Variants in ADCY10 observed in about 807,000 individuals in gnomAD.
ADCY10 encodes adenylate cyclase 10.
In ADCY10, 156 loss-of-function variants were observed where a neutral mutation model predicts 183.3. The observed-to-expected ratio is 0.85, with a 90% CI of 0.75 to 0.97. The LOEUF (loss-of-function observed/expected upper bound fraction) is 0.97. ADCY10 is among the 50% of genes least tolerant of loss of function. The pLI is 0.00. For missense variants in ADCY10, 1,745 were observed against 1,934.3 expected, an observed-to-expected ratio of 0.90 and a Z score of 1.84; for synonymous variants, 645 against 670.0, an observed-to-expected ratio of 0.96 and a Z score of 0.58.
At chr1:167,819,963 C>A (rs1662784102) in intron 30 of ADCY10, 4 of 1,296,590 alleles carry the variant, frequency 3.1e-6, no homozygotes, top group Non-Finnish European at 4.5e-6. Flanking sequence ...GTGCTGTATT[C>A]TTCCATTGTT....
In ADCY10 at chr1:167,856,304, T is replaced by C; in HGVS notation, c.2032A>G (p.Ile678Val). Residue 678 changes from isoleucine (I) to valine (V), a missense_variant, in exon 17 of 33, where the codon ATT (isoleucine) becomes GTT (valine). Physicochemically the swap from Ile to Val is conservative, Grantham distance 29. Coordinates refer to ENST00000367851, the MANE Select transcript of ADCY10 (RefSeq NM_018417.6). ...ACGGCCCTGGCAGCTGCACAGGGAA[T>C]GTTAACGAAGGGACACAGGGACATA... ...IIMSLCPFVN[I>V]PCAAARAVIK... The C allele has an allele frequency of 6.2e-7, 1 of 1,614,086 alleles. No individual in the cohort carries two copies. The highest frequency in any genetic ancestry group is 8.5e-7 in the Non-Finnish European group (1 of 1,179,982).
rs746491406 is a variant in ADCY10, at chr1:167,818,094, G to T, written c.4460C>A (p.Ala1487Asp). 1.2e-6 allele frequency: 2 copies of T among 1,614,156 alleles called. No homozygotes were observed. Among genetic ancestry groups the T allele is most frequent in the South Asian group, 1.1e-5 (1 of 91,082 alleles). ...CACCTTGAGTAGCTCCTCCCCACTGGCTTGGGCATTCTCTGACTGTTCTTT... is the reference window on the plus strand; with the variant it reads ...CACCTTGAGTAGCTCCTCCCCACTGTCTTGGGCATTCTCTGACTGTTCTTT... Reference protein sequence around the residue: ...QIKEQSENAQASGEELLKNLE... With the variant: ...QIKEQSENAQDSGEELLKNLE... Residue 1487 changes from alanine to aspartate, a missense_variant, in exon 31 of 33, where the codon GCC (alanine) becomes GAC (aspartate). Transcript: ENST00000367851.
intron 8 of ADCY10, among the ~76,000 whole-genome samples, chr1:167,891,985 T>G (rs1014984330): frequency 6.6e-6 from 1 of 151,736 alleles, no homozygotes; most frequent in Non-Finnish European, 1.5e-5. Context: ...TCTTTTTTTT[T>G]TTTTTAGAGA....
At chr1:167,861,132 G>T in intron 14 of ADCY10, 69 bp from the exon 15 acceptor site, 2 of 1,307,920 alleles carry the variant, frequency 1.5e-6, no homozygotes, top group Non-Finnish European at 2.2e-6. Context: ...AATAGAGGTT[G>T]AAGGAAAGCT....
In ADCY10 at chr1:167,870,272, TG is replaced by T. The variant is rs760462867; in HGVS notation, c.1600del (p.Gln534LysfsTer12). ...QILMKIEYLA[Q>X]GKNHRIIAIS... is the part of the protein sequence containing the mutation. ...AGACACTCACCTGTGATTCTTACCT[TG>T]GGCCAGGTACTCAATTTTCATAAGT... On this transcript the variant is annotated frameshift_variant, in exon 14 of 33. Coordinates refer to ENST00000367851, the MANE Select transcript of ADCY10 (RefSeq NM_018417.6). LOFTEE classifies it high-confidence loss of function. 12 of 1,613,992 alleles carry T rather than the reference TG, an allele frequency of 7.4e-6. No individual in the cohort carries two copies. The highest frequency in any genetic ancestry group is 1.0e-5 in the Non-Finnish European group (12 of 1,180,024).
intron 14 of ADCY10, among the ~76,000 whole-genome samples, chr1:167,862,208 T>C (rs934175854): frequency 6.6e-6 from 1 of 152,246 alleles, no homozygotes; most frequent in African/African-American, 2.4e-5. Flanking sequence ...ACAATTCATA[T>C]GTTAAATTCT....
intron 18 of ADCY10, 123 bp downstream of exon 18, chr1:167,854,230 C>G (rs1468103046): frequency 3.3e-6 from 4 of 1,212,112 alleles, no homozygotes; most frequent in Non-Finnish European, 4.9e-6. Flanking sequence ...ATTCCTGGCT[C>G]CCCAGAACCT....
At chr1:167,857,323 C>T (rs2102029251) in intron 16 of ADCY10, among the ~76,000 whole-genome samples, 1 of 152,332 alleles carries the variant, frequency 6.6e-6, no homozygotes, top group Non-Finnish European at 1.5e-5. Flanking sequence ...GCCTTGTTCA[C>T]ACATACCTAA....
chr1:167,906,184 A>G (rs1265309879), intron 1 of ADCY10, among the ~76,000 whole-genome samples: 1 of 152,148 alleles, frequency 6.6e-6, no homozygotes, highest in Middle Eastern at 3.2e-3. Context: ...AACTCAGGGA[A>G]AAATATTTGT....
chr1:167,850,075 C>T (rs1287057698), intron 18 of ADCY10, among the ~76,000 whole-genome samples: 4 of 151,982 alleles, frequency 2.6e-5, no homozygotes, highest in Non-Finnish European at 2.9e-5. Flanking sequence ...AGTAGTAATC[C>T]AACTAGTCGT....
At chr1:167,838,556 C>T (rs528374936) in intron 21 of ADCY10, among the ~76,000 whole-genome samples, 18 of 152,330 alleles carry the variant, frequency 1.2e-4, no homozygotes, top group South Asian at 8.3e-4. Context: ...GGCTACTATT[C>T]GTCTACCAAC....
chr1:167,822,998 C>T lies in ADCY10; in HGVS notation c.4168+10G>A, dbSNP rs767976390. 6.8e-6 allele frequency: 11 copies of T among 1,612,422 alleles called. No homozygotes were observed. Among genetic ancestry groups the T allele is most frequent in the Non-Finnish European group, 9.3e-6 (11 of 1,178,552 alleles). ...CCCCAAGTTCTTTTACATCCCAAAC[C>T]CACACTTACCAGAATAAAGCAGGAT... On this transcript the variant is annotated intron_variant, in intron 29 of 32. Transcript: ENST00000367851.
At chr1:167,907,378 C>T (rs203777) in intron 1 of ADCY10, among the ~76,000 whole-genome samples, 66,299 of 152,104 alleles carry the variant, frequency 0.44, 16,665 homozygotes, top group African/African-American at 0.7. Flanking sequence ...TTCTTGCTCA[C>T]ACTACATGTC....
In ADCY10 at chr1:167,823,094, C is replaced by T. The variant is rs766688731; in HGVS notation, c.4082G>A (p.Arg1361Gln). The change falls in exon 29 of 33, where the codon CGG becomes CAG. Residue 1361 changes from arginine to glutamine, a missense_variant. Transcript: ENST00000367851. ...RYPQLIQVLG[R>Q]LWELSVTQEH... ...CTGTGTTACAGAAAGCTCCCACAGC[C>T]GCCCCAGCACCTGGATCAATTGCGG... 3.1e-6 allele frequency: 5 copies of T among 1,614,084 alleles called. No individual in the cohort carries two copies. Among genetic ancestry groups the T allele is most frequent in the East Asian group, 2.2e-5 (1 of 44,874 alleles).
In ADCY10 at chr1:167,901,747, T is replaced by C. The variant is rs753219212; in HGVS notation, c.351A>G (p.Thr117=). 1.2e-6 allele frequency: 2 copies of C among 1,614,186 alleles called. No homozygotes were observed. The highest frequency in any genetic ancestry group is 1.7e-5 in the Admixed American group (1 of 60,022). The change falls in exon 5 of 33, where the codon ACA becomes ACG. Residue 117 remains threonine, a synonymous_variant. Coordinates refer to ENST00000367851, the MANE Select transcript of ADCY10 (RefSeq NM_018417.6). ...TCTCCAGGCTACATTTAATTACCAC[T>C]GTGATAATGTTTTTCAGCTGCTTTC... ...VERKQLKNII[T]VVIKCSLEIH...
chr1:167,850,518 G>T (rs999044559), intron 18 of ADCY10, among the ~76,000 whole-genome samples: 2 of 152,098 alleles, frequency 1.3e-5, no homozygotes, highest in African/African-American at 4.8e-5. Context: ...AGAGGAAAGG[G>T]TTAAGGATAG....
chr1:167,816,202 A>C (rs996266111), intron 31 of ADCY10, among the ~76,000 whole-genome samples: 2 of 152,178 alleles, frequency 1.3e-5, no homozygotes, highest in East Asian at 1.9e-4. Flanking sequence ...TATATGCCCC[A>C]AAACCCCAAC....
At chr1:167,875,554 CAAT>C (rs1379583449) in intron 12 of ADCY10, among the ~76,000 whole-genome samples, 2 of 152,222 alleles carry the variant, frequency 1.3e-5, no homozygotes, top group Non-Finnish European at 2.9e-5. Context: ...ATTGCTCAAA[CAAT>C]AATAGCGCGC....
At chr1:167,815,789 T>C (rs1662495580) in intron 31 of ADCY10, among the ~76,000 whole-genome samples, 1 of 152,008 alleles carries the variant, frequency 6.6e-6, no homozygotes, top group South Asian at 2.1e-4. Flanking sequence ...GTAGAGAGCA[T>C]GTAAGAGCAA....
Sources: gnomAD v4.1 joint callset for allele counts (sites outside exome capture counted in the v4.1 genomes callset) on GRCh38, gnomAD v4.1.1 for gene constraint, MANE v1.5 for transcripts, NCBI Gene and HGNC (gene_info 2026-07-23, HGNC 2026-07-21) for gene names.